Variants in NRXN1 observed in about 807,000 individuals in gnomAD.
NRXN1 encodes the protein neurexin-1.
NRXN1 carries 39 observed loss-of-function variants against 150.9 expected under a neutral mutation model. The observed-to-expected ratio is 0.26, with a 90% CI of 0.20 to 0.34. NRXN1 has a LOEUF of 0.34. NRXN1 is among the 10% of genes least tolerant of loss of function. The pLI, the probability that NRXN1 is intolerant of heterozygous loss-of-function variation, is 1.00. For missense variants in NRXN1, 1,815 were observed against 1,949.9 expected (o/e 0.93, Z 1.30); for synonymous variants, 924 against 757.0 (o/e 1.22, Z -3.62).
At chr2:50,181,509 A>C (rs1414845807) in intron 18 of NRXN1, among the ~76,000 whole-genome samples, 1 of 152,058 alleles carries the variant, frequency 6.6e-6, no homozygotes, top group African/African-American at 2.4e-5. Context: ...TATGAGGGCA[A>C]ATCAGTTACC....
chr2:50,517,100 C>T (rs1558867790), intron 12 of NRXN1, among the ~76,000 whole-genome samples: 1 of 152,078 alleles, frequency 6.6e-6, no homozygotes, highest in African/African-American at 2.4e-5. Context: ...CCTCAGTATC[C>T]TCATATATCT....
chr2:50,929,332 T>C (rs1687388176), intron 2 of NRXN1, among the ~76,000 whole-genome samples: 2 of 152,104 alleles, frequency 1.3e-5, no homozygotes, highest in African/African-American at 4.8e-5. Flanking sequence ...AAAATCTCCT[T>C]TCTGTATAAT....
intron 17 of NRXN1, among the ~76,000 whole-genome samples, chr2:50,334,935 G>A (rs1440729530): frequency 6.6e-6 from 1 of 152,118 alleles, no homozygotes; most frequent in Non-Finnish European, 1.5e-5. Context: ...CTGATCCTAA[G>A]GACTCCTGAC....
chr2:50,053,995 G>T (rs1371693642), intron 20 of NRXN1, among the ~76,000 whole-genome samples: 1 of 152,116 alleles, frequency 6.6e-6, no homozygotes, highest in Non-Finnish European at 1.5e-5. Flanking sequence ...ATACATAGCA[G>T]CTGAAATCTA....
intron 18 of NRXN1, among the ~76,000 whole-genome samples, chr2:50,123,502 T>C (rs902693474): frequency 2.0e-5 from 3 of 152,104 alleles, no homozygotes; most frequent in African/African-American, 7.2e-5. Flanking sequence ...TGGATTTTAC[T>C]CTGGGGAAGA....
chr2:50,296,265 G>A (rs2073546487), intron 17 of NRXN1, among the ~76,000 whole-genome samples: 6 of 152,134 alleles, frequency 3.9e-5, no homozygotes, highest in Admixed American at 3.9e-4. Flanking sequence ...TCTACACAAA[G>A]GAATCCCTGA....
At chr2:49,950,520 A>G (rs1455579998) in intron 21 of NRXN1, among the ~76,000 whole-genome samples, 1 of 152,018 alleles carries the variant, frequency 6.6e-6, no homozygotes, top group Non-Finnish European at 1.5e-5. Flanking sequence ...AAATATTCTC[A>G]GTACACATGA....
chr2:50,621,061 C>G (rs1679925648), intron 7 of NRXN1, 165 bp downstream of exon 7: 1 of 565,050 alleles, frequency 1.8e-6, no homozygotes. Flanking sequence ...ATAAGAAGGT[C>G]AACAACAGAT....
At chr2:50,282,768 T>C (rs777493858) in intron 17 of NRXN1, among the ~76,000 whole-genome samples, 15 of 152,290 alleles carry the variant, frequency 9.8e-5, no homozygotes, top group Non-Finnish European at 2.1e-4. Flanking sequence ...TAAAATTTTT[T>C]TCCACAATTT....
intron 18 of NRXN1, among the ~76,000 whole-genome samples, chr2:50,233,858 A>G (rs754069746): frequency 1.2e-4 from 18 of 152,102 alleles, no homozygotes; most frequent in Non-Finnish European, 2.4e-4. Context: ...TTTATTGGGC[A>G]AACCAAAATG....
intron 17 of NRXN1, among the ~76,000 whole-genome samples, chr2:50,340,033 T>C (rs2077447973): frequency 6.6e-6 from 1 of 152,212 alleles, no homozygotes; most frequent in African/African-American, 2.4e-5. Context: ...TTTTATATTG[T>C]CATGGAAAAG....
chr2:50,219,926 ATT>A (rs2063687805), intron 18 of NRXN1, among the ~76,000 whole-genome samples: 1 of 74,232 alleles, frequency 1.3e-5, no homozygotes, highest in African/African-American at 8.0e-5. Flanking sequence ...CTCTCTCTAT[ATT>A]ATATATATTA....
intron 7 of NRXN1, 29 bp from the exon 8 acceptor site, chr2:50,620,212 C>T (rs199556854): frequency 1.1e-5 from 17 of 1,610,182 alleles, no homozygotes; most frequent in African/African-American, 4.0e-5. Context: ...GGAAAGGACA[C>T]GCTATACTCA....
intron 5 of NRXN1, among the ~76,000 whole-genome samples, chr2:50,848,925 G>C (rs1474271176): frequency 1.3e-5 from 2 of 152,190 alleles, no homozygotes; most frequent in Non-Finnish European, 2.9e-5. Flanking sequence ...ATGAGGAACA[G>C]ATTTGCCTTA....
At chr2:50,064,868 G>T (rs1173180167) in intron 19 of NRXN1, among the ~76,000 whole-genome samples, 5 of 152,288 alleles carry the variant, frequency 3.3e-5, no homozygotes, top group African/African-American at 1.2e-4. Flanking sequence ...TTTGTAACAT[G>T]AGGGCAGAGG....
Position 50,997,676 on chromosome 2 carries a change from T to TA in NRXN1, c.772+29825dup, listed in dbSNP as rs761913538. Among the ~76,000 whole-genome samples the TA allele has an allele frequency of 7.5e-5, 10 of 134,204 alleles. 1 individual carries two copies. The highest frequency in any genetic ancestry group is 4.8e-4 in the South Asian group (2 of 4,194). The allele number at this position is 134,204 out of a possible 152,430, so 88.0% of individuals were successfully genotyped here. The stretch of plus-strand genomic sequence containing the variant: ...GTGCACACTACCACACCCAGGTAAT[T>TA]AAAAAAAAAAATTATCTGGAGACGG... On this transcript the variant is annotated intron_variant, in intron 2 of 22. Coordinates refer to ENST00000401669, the MANE Select transcript of NRXN1 (RefSeq NM_001330078.2).
intron 2 of NRXN1, among the ~76,000 whole-genome samples, chr2:51,020,443 T>C (rs996030067): frequency 6.6e-6 from 1 of 152,006 alleles, no homozygotes; most frequent in Admixed American, 6.6e-5. Context: ...TGATGCATAC[T>C]TCTGGGCATA....
chr2:50,034,132 C>T (rs1023159553), intron 21 of NRXN1, among the ~76,000 whole-genome samples: 5 of 152,008 alleles, frequency 3.3e-5, no homozygotes, highest in African/African-American at 1.2e-4. Context: ...CCCAGCAATC[C>T]CATTACTGAG....
intron 17 of NRXN1, among the ~76,000 whole-genome samples, chr2:50,422,981 C>T (rs949672668): frequency 6.6e-6 from 1 of 152,164 alleles, no homozygotes; most frequent in African/African-American, 2.4e-5. Flanking sequence ...CCATGGAAAA[C>T]GTTTTGCTGG....
Sources: allele counts gnomAD v4.1 joint callset (sites outside exome capture counted in the v4.1 genomes callset), GRCh38; gene constraint gnomAD v4.1.1; transcripts MANE v1.5; gene names NCBI Gene and HGNC (gene_info 2026-07-23, HGNC 2026-07-21).